The following DCAF8L2 variants were observed in gnomAD, a reference collection of about 807,000 sequenced individuals.
DCAF8L2 encodes the protein DDB1- and CUL4-associated factor 8-like protein 2.
For missense variants in DCAF8L2, 430 were observed against 490.7 expected, an observed-to-expected ratio of 0.88 and a Z score of 1.17; for synonymous variants, 200 against 190.9, an observed-to-expected ratio of 1.05 and a Z score of -0.39.
the DCAF8L2 span, among the ~76,000 whole-genome samples, chrX:27,474,680 AC>A: frequency 8.9e-6 from 1 of 112,337 alleles, no homozygotes; most frequent in African/African-American, 3.2e-5. Context: ...CTGAATAGCA[AC>A]AAAAAATGTT....
chrX:27,671,222 C>T, intron 2 of DCAF8L2, among the ~76,000 whole-genome samples: 1 of 111,975 alleles, frequency 8.9e-6, no homozygotes, highest in Non-Finnish European at 1.9e-5. Context: ...TAAATTCTAC[C>T]AGTAGTTGGT....
At chrX:27,742,696 C>T (rs1402823151) in intron 4 of DCAF8L2, among the ~76,000 whole-genome samples, 2 of 111,787 alleles carry the variant, frequency 1.8e-5, no homozygotes, top group Non-Finnish European at 3.8e-5. Context: ...AAAGTCTATG[C>T]TCTTGCAAGT....
intron 3 of DCAF8L2, among the ~76,000 whole-genome samples, chrX:27,679,171 A>G (rs760379879): frequency 7.2e-5 from 8 of 111,738 alleles, no homozygotes; most frequent in Admixed American, 5.7e-4. Context: ...GGAGCCAAAG[A>G]TCAATAGTGT....
intron 1 of DCAF8L2, among the ~76,000 whole-genome samples, chrX:27,615,601 A>T (rs1309511427): frequency 9.0e-6 from 1 of 110,926 alleles, no homozygotes; most frequent in Admixed American, 9.7e-5. Flanking sequence ...CTGGAAATAG[A>T]TTCACTGTTC....
At chrX:27,719,727 G>C (rs1931827092) in intron 4 of DCAF8L2, among the ~76,000 whole-genome samples, 1 of 111,519 alleles carries the variant, frequency 9.0e-6, no homozygotes, top group Admixed American at 9.5e-5. Flanking sequence ...TAACAGGCGT[G>C]AGCCACTGTG....
At chrX:27,496,015 T>TA in the DCAF8L2 span, among the ~76,000 whole-genome samples, 1 of 111,633 alleles carries the variant, frequency 9.0e-6, no homozygotes, top group African/African-American at 3.2e-5. Flanking sequence ...AGAGTATTGA[T>TA]ATGTATGCCA....
At chrX:27,577,112 T>A in the DCAF8L2 span, among the ~76,000 whole-genome samples, 5 of 112,329 alleles carry the variant, frequency 4.5e-5, no homozygotes, top group East Asian at 1.4e-3. Context: ...ATCTGAATAC[T>A]GATCTATTAA....
At chrX:27,498,326 TCAC>T in the DCAF8L2 span, among the ~76,000 whole-genome samples, 1 of 112,336 alleles carries the variant, frequency 8.9e-6, no homozygotes, top group Non-Finnish European at 1.9e-5. Flanking sequence ...CTCCACATCC[TCAC>T]CAACAATTAT....
chrX:27,711,629 AAATT>A (rs1931538349), intron 3 of DCAF8L2, among the ~76,000 whole-genome samples: 1 of 110,551 alleles, frequency 9.0e-6, no homozygotes, highest in African/African-American at 3.3e-5. Flanking sequence ...CAATGAATAA[AAATT>A]AAAGAAAATA....
At chrX:27,737,109 AT>A (rs1921567342) in intron 4 of DCAF8L2, among the ~76,000 whole-genome samples, 1 of 112,161 alleles carries the variant, frequency 8.9e-6, no homozygotes, top group Non-Finnish European at 1.9e-5. Context: ...ATTGATAAAT[AT>A]TTAAAAGTTT....
chrX:27,703,294 G>T (rs1931200102), intron 3 of DCAF8L2, among the ~76,000 whole-genome samples: 1 of 110,682 alleles, frequency 9.0e-6, no homozygotes, highest in South Asian at 3.8e-4. Context: ...TATCAAAATC[G>T]CAGCTGGCAT....
the DCAF8L2 span, among the ~76,000 whole-genome samples, chrX:27,500,560 AG>A: frequency 4.5e-5 from 5 of 112,074 alleles, no homozygotes; most frequent in Non-Finnish European, 5.6e-5. Flanking sequence ...TTTCAAAAAA[AG>A]AGCAAAATTC....
intron 2 of DCAF8L2, among the ~76,000 whole-genome samples, chrX:27,639,377 A>G (rs1928617576): frequency 8.9e-6 from 1 of 111,910 alleles, no homozygotes; most frequent in Admixed American, 9.5e-5. Context: ...TGATAGCACA[A>G]CAGGGCGACT....
intron 1 of DCAF8L2, among the ~76,000 whole-genome samples, chrX:27,597,079 T>C (rs1249690269): frequency 3.6e-5 from 4 of 111,959 alleles, no homozygotes; most frequent in Non-Finnish European, 7.5e-5. Context: ...GATTTGGAGT[T>C]AACATGAAAT....
At chrX:27,653,162 C>T (rs894912854) in intron 2 of DCAF8L2, among the ~76,000 whole-genome samples, 6 of 111,783 alleles carry the variant, frequency 5.4e-5, no homozygotes, top group African/African-American at 2.0e-4. Flanking sequence ...TTTAGAGAGT[C>T]AAATCAGCAA....
chrX:27,518,514 C>T, the DCAF8L2 span: 36 of 372,993 alleles, frequency 9.7e-5, no homozygotes, highest in African/African-American at 1.3e-4. Flanking sequence ...CCGAGGCAGG[C>T]GGATCACGAG....
chrX:27,471,752 C>T, the DCAF8L2 span, among the ~76,000 whole-genome samples: 2 of 111,304 alleles, frequency 1.8e-5, no homozygotes, highest in African/African-American at 6.5e-5. Context: ...TCATCCCACT[C>T]CCCCAGCCCA....
chrX:27,710,415 C>T (rs59512645), intron 3 of DCAF8L2, among the ~76,000 whole-genome samples: 5,274 of 111,186 alleles, frequency 0.047, 306 homozygotes, highest in African/African-American at 0.16. Context: ...GTCATCCAAT[C>T]CAGAATTAGA....
intron 1 of DCAF8L2, among the ~76,000 whole-genome samples, chrX:27,605,272 A>G (rs911257792): frequency 1.8e-5 from 2 of 111,827 alleles, no homozygotes; most frequent in African/African-American, 6.5e-5. Flanking sequence ...TTTGAATGAT[A>G]CAATCAATAT....
Sources: allele counts gnomAD v4.1 joint callset (sites outside exome capture counted in the v4.1 genomes callset), GRCh38; gene constraint gnomAD v4.1.1; transcripts MANE v1.5; gene names NCBI Gene and HGNC (gene_info 2026-07-23, HGNC 2026-07-21).